Variants in SV2C observed in about 807,000 individuals in gnomAD.
SV2C encodes the protein solute carrier family 22 member B3.
Under a neutral mutation model 79.7 loss-of-function variants are expected in SV2C, and 49 were observed. The observed-to-expected ratio is 0.61, with a 90% CI of 0.49 to 0.78. The LOEUF (loss-of-function observed/expected upper bound fraction) is 0.78. Among genes scored for constraint, SV2C ranks in the 30% least tolerant of loss-of-function variants. The pLI, the probability that SV2C is intolerant of heterozygous loss-of-function variation, is 0.00. For synonymous variants in SV2C, 334 were observed against 333.2 expected (o/e 1.00, Z -0.03); for missense variants, 833 against 912.9 (o/e 0.91, Z 1.13).
chr5:76,233,881 G>A (rs1490235954), intron 4 of SV2C, among the ~76,000 whole-genome samples: 1 of 151,968 alleles, frequency 6.6e-6, no homozygotes, highest in Non-Finnish European at 1.5e-5. Flanking sequence ...TGTTCATCAA[G>A]GATATTGGTC....
chr5:76,340,489 G>C (rs1309113749), intron 12 of SV2C, among the ~76,000 whole-genome samples: 1 of 152,192 alleles, frequency 6.6e-6, no homozygotes, highest in Non-Finnish European at 1.5e-5. Flanking sequence ...AGGCATGTGG[G>C]CACAGTGGGC....
chr5:76,025,072 A>G, the SV2C span, among the ~76,000 whole-genome samples: 1 of 151,844 alleles, frequency 6.6e-6, no homozygotes, highest in African/African-American at 2.4e-5. Context: ...ACCACACTCC[A>G]TCTGTGTGTG....
chr5:76,187,447 T>A (rs536969470), intron 2 of SV2C, among the ~76,000 whole-genome samples: 1 of 152,254 alleles, frequency 6.6e-6, no homozygotes, highest in African/African-American at 2.4e-5. Context: ...AATGTCAGAC[T>A]TCCCTAAGGT....
chr5:76,277,642 C>T (rs1435474673), intron 4 of SV2C, among the ~76,000 whole-genome samples: 1 of 151,862 alleles, frequency 6.6e-6, no homozygotes, highest in African/African-American at 2.4e-5. Context: ...GGCGCTTGCC[C>T]GTGGTCCCAG....
chr5:76,340,247 C>G (rs141148287), intron 12 of SV2C, among the ~76,000 whole-genome samples: 1 of 152,316 alleles, frequency 6.6e-6, no homozygotes, highest in African/African-American at 2.4e-5. Context: ...TAATCCACCC[C>G]TTGTTTAGCA....
At chr5:76,251,176 A>G (rs1460400508) in intron 4 of SV2C, among the ~76,000 whole-genome samples, 1 of 152,198 alleles carries the variant, frequency 6.6e-6, no homozygotes, top group African/African-American at 2.4e-5. Context: ...TTCCCCACAC[A>G]TAAAACAAAG....
chr5:76,118,541 T>A (rs531638680), intron 1 of SV2C, among the ~76,000 whole-genome samples: 105 of 152,308 alleles, frequency 6.9e-4, no homozygotes, highest in Non-Finnish European at 9.7e-4. Flanking sequence ...TATCTAAAAA[T>A]GATAAAACAC....
intron 4 of SV2C, among the ~76,000 whole-genome samples, chr5:76,257,783 G>C (rs900785600): frequency 5.3e-5 from 8 of 151,358 alleles, no homozygotes; most frequent in Admixed American, 1.3e-4. Context: ...GGTGTATGTA[G>C]TATAGATGGT....
At chr5:75,948,831 T>C in the SV2C span, among the ~76,000 whole-genome samples, 1 of 151,900 alleles carries the variant, frequency 6.6e-6, no homozygotes, top group East Asian at 1.9e-4. Context: ...AGAACAATGG[T>C]ATACAGAAAG....
intron 4 of SV2C, among the ~76,000 whole-genome samples, chr5:76,244,612 T>C (rs1190886153): frequency 6.6e-6 from 1 of 152,262 alleles, no homozygotes; most frequent in African/African-American, 2.4e-5. Context: ...GTATGTAGTT[T>C]ACATTTACAA....
chr5:76,016,711 A>C, the SV2C span, among the ~76,000 whole-genome samples: 1 of 152,330 alleles, frequency 6.6e-6, no homozygotes, highest in South Asian at 2.1e-4. Context: ...AGTAACATAA[A>C]GCATCTGATT....
At chr5:75,873,422 GTAA>G in the SV2C span, among the ~76,000 whole-genome samples, 1 of 152,174 alleles carries the variant, frequency 6.6e-6, no homozygotes, top group Non-Finnish European at 1.5e-5. Context: ...AGAAATAATT[GTAA>G]TAATTTAATT....
chr5:76,145,084 T>C (rs186283798), intron 2 of SV2C, among the ~76,000 whole-genome samples: 90 of 152,326 alleles, frequency 5.9e-4, no homozygotes, highest in Admixed American at 1.3e-3. Flanking sequence ...GAGGGGCCCA[T>C]GCAATTTGCA....
the SV2C span, chr5:76,075,755 T>C: frequency 3.1e-6 from 1 of 320,126 alleles, no homozygotes; most frequent in South Asian, 3.1e-5. Flanking sequence ...TTATGGATCT[T>C]AAAAGACATT....
the SV2C span, among the ~76,000 whole-genome samples, chr5:76,005,289 G>A: frequency 6.6e-6 from 1 of 152,278 alleles, no homozygotes; most frequent in Non-Finnish European, 1.5e-5. Context: ...AAAGTTTGGT[G>A]ACTAAAAATA....
chr5:76,101,394 G>A lies in SV2C; in HGVS notation c.-102+17882G>A, dbSNP rs183467584. Among the ~76,000 whole-genome samples, 269 of 152,282 alleles carry A rather than the reference G, an allele frequency of 1.8e-3. 1 individual carries two copies. The highest frequency in any genetic ancestry group is 6.2e-3 in the African/African-American group (257 of 41,570). ...AGGAGTGGCCAATTTCCATTACTTT[G>A]TAGAGATGAAATTCTGTTCTTCATT... On this transcript the variant is annotated intron_variant, in intron 1 of 12. Coordinates refer to ENST00000502798, the MANE Select transcript of SV2C (RefSeq NM_014979.4).
intron 1 of SV2C, among the ~76,000 whole-genome samples, chr5:76,127,197 G>A (rs1283785234): frequency 6.6e-6 from 1 of 152,202 alleles, no homozygotes; most frequent in East Asian, 1.9e-4. Flanking sequence ...ATGTTTGGGC[G>A]GTGTGGGGAA....
At chr5:76,318,119 C>G (rs1393161230) in intron 12 of SV2C, among the ~76,000 whole-genome samples, 7 of 152,154 alleles carry the variant, frequency 4.6e-5, no homozygotes, top group Non-Finnish European at 1.5e-5. Context: ...TTCCCCACCA[C>G]CAACTAAAAC....
intron 4 of SV2C, among the ~76,000 whole-genome samples, chr5:76,263,233 A>G (rs538653618): frequency 6.6e-6 from 1 of 152,096 alleles, no homozygotes; most frequent in Non-Finnish European, 1.5e-5. Context: ...AGTCTGTTTT[A>G]TCAGGGACTA....
Sources: allele counts gnomAD v4.1 joint callset (sites outside exome capture counted in the v4.1 genomes callset), GRCh38; gene constraint gnomAD v4.1.1; transcripts MANE v1.5; gene names NCBI Gene and HGNC (gene_info 2026-07-23, HGNC 2026-07-21).